SH3RF1: variants seen among roughly 807,000 people sequenced by gnomAD.
SH3RF1 encodes E3 ubiquitin-protein ligase SH3RF1.
Under a neutral mutation model 74.0 loss-of-function variants are expected in SH3RF1, and 32 were observed. The ratio of observed to expected loss-of-function variants is 0.43; its 90% CI spans 0.33 to 0.58. The LOEUF is 0.58. SH3RF1 is among the 20% of genes least tolerant of loss of function. The probability of loss-of-function intolerance (pLI) is 0.05; values close to 1 mark genes in which losing one functional copy is unlikely to be tolerated. For missense variants in SH3RF1, 954 were observed against 1,130.9 expected, an observed-to-expected ratio of 0.84 and a Z score of 2.24; for synonymous variants, 396 against 439.6, an observed-to-expected ratio of 0.90 and a Z score of 1.24.
chr4:169,224,594 A>G (rs182348064), intron 2 of SH3RF1, among the ~76,000 whole-genome samples: 2 of 152,346 alleles, frequency 1.3e-5, no homozygotes, highest in East Asian at 3.9e-4. Flanking sequence ...CTGGGATTAC[A>G]GGCGTGAACC....
chr4:169,113,926 G>C (rs1733286733), intron 10 of SH3RF1, among the ~76,000 whole-genome samples: 1 of 152,166 alleles, frequency 6.6e-6, no homozygotes, highest in Admixed American at 6.5e-5. Context: ...AAGGAGATCT[G>C]CATTTTCTAT....
intron 2 of SH3RF1, among the ~76,000 whole-genome samples, chr4:169,204,644 G>A (rs1730211072): frequency 6.7e-6 from 1 of 148,938 alleles, no homozygotes; most frequent in African/African-American, 2.5e-5. Flanking sequence ...TCTGCCTCCT[G>A]GGTTTGAGTG....
chr4:169,230,385 T>C (rs1336604076), intron 2 of SH3RF1, among the ~76,000 whole-genome samples: 1 of 152,152 alleles, frequency 6.6e-6, no homozygotes, highest in East Asian at 1.9e-4. Flanking sequence ...GAAAAGCATT[T>C]CAAAATGTTT....
At chr4:169,166,983 A>T (rs1734256005) in intron 2 of SH3RF1, 1 of 224,144 alleles carries the variant, frequency 4.5e-6, no homozygotes, top group African/African-American at 2.3e-5. Flanking sequence ...AAGAGAAATG[A>T]CCAGTGCAAG....
chr4:169,262,944 G>C (rs1731302750), intron 2 of SH3RF1, among the ~76,000 whole-genome samples: 1 of 152,138 alleles, frequency 6.6e-6, no homozygotes, highest in African/African-American at 2.4e-5. Context: ...ATCAAGGATG[G>C]ATAAAATAAG....
chr4:169,172,706 G>A (rs906804909), intron 2 of SH3RF1, among the ~76,000 whole-genome samples: 3 of 152,158 alleles, frequency 2.0e-5, no homozygotes, highest in Admixed American at 2.0e-4. Flanking sequence ...GCTGGCAGGG[G>A]TGAGGGTGTT....
chr4:169,206,492 G>T (rs764222203), intron 2 of SH3RF1, among the ~76,000 whole-genome samples: 6 of 152,124 alleles, frequency 3.9e-5, no homozygotes, highest in African/African-American at 1.4e-4. Flanking sequence ...ATGCAACATG[G>T]TGAGACTCCG....
At chr4:169,166,343 G>A (rs1191580094) in intron 2 of SH3RF1, 3 of 156,202 alleles carry the variant, frequency 1.9e-5, no homozygotes, top group East Asian at 1.8e-4. Flanking sequence ...TGATGCTGGT[G>A]GTAAGGTGAA....
At chr4:169,224,381 G>C (rs541827737) in intron 2 of SH3RF1, among the ~76,000 whole-genome samples, 1 of 151,016 alleles carries the variant, frequency 6.6e-6, no homozygotes, top group African/African-American at 2.4e-5. Context: ...GCAATGGTGC[G>C]ATCTTGGCTC....
intron 11 of SH3RF1, among the ~76,000 whole-genome samples, chr4:169,102,713 T>C (rs1733060382): frequency 1.3e-5 from 2 of 152,136 alleles, no homozygotes; most frequent in Non-Finnish European, 2.9e-5. Flanking sequence ...CTCCAGGATA[T>C]AGCACTATTT....
At chr4:169,241,928 A>C (rs1253069899) in intron 2 of SH3RF1, among the ~76,000 whole-genome samples, 2 of 152,344 alleles carry the variant, frequency 1.3e-5, no homozygotes, top group Non-Finnish European at 2.9e-5. Flanking sequence ...AAAGCACAGC[A>C]TTAAACACTA....
rs998915354 is a variant in SH3RF1 at position 169,095,536 on chromosome 4, T to C, written c.*983A>G. ...CTTTTCACAGTGTTTCTTATAGCCTTTGACTTAACACGAGTGCATCACTTA... is the reference window on the plus strand; with the variant it reads ...CTTTTCACAGTGTTTCTTATAGCCTCTGACTTAACACGAGTGCATCACTTA... On this transcript the variant is annotated 3_prime_UTR_variant, in exon 12 of 12. Transcript: ENST00000284637. The C allele has an allele frequency of 6.6e-6, 1 of 152,646 alleles. No individual in the cohort carries two copies. Among genetic ancestry groups the C allele is most frequent in the African/African-American group, 2.4e-5 (1 of 41,454 alleles). 9.5% of individuals were successfully genotyped at this position (152,646 alleles called of 1,614,324 possible).
At chr4:169,140,533 G>A (rs985991554) in intron 4 of SH3RF1, among the ~76,000 whole-genome samples, 1 of 152,108 alleles carries the variant, frequency 6.6e-6, no homozygotes, top group Non-Finnish European at 1.5e-5. Context: ...TTGGAAAAAA[G>A]TCTAAAATGT....
Position 169,155,507 on chromosome 4 carries a change from T to C in SH3RF1, c.738A>G (p.Ile246Met). ...NWAEGMLADK[I>M]GIFPISYVEF... Reference sequence around the variant, plus strand: ...CAACATATGAAATTGGAAATATTCCTATTTTGTCTGCCAGCATTCCTTCAG... The same window carrying C: ...CAACATATGAAATTGGAAATATTCCCATTTTGTCTGCCAGCATTCCTTCAG... Residue 246 changes from isoleucine to methionine, a missense_variant, in exon 4 of 12, where the codon ATA becomes ATG. Around this residue, in one of 3 missense-constraint regions of SH3RF1, gnomAD observed 854 missense variants for 962.5 expected, o/e 0.89. Coordinates refer to ENST00000284637, the MANE Select transcript of SH3RF1 (RefSeq NM_020870.4). The C allele has an allele frequency of 1.2e-6, 2 of 1,613,080 alleles. No homozygotes were observed. The highest frequency in any genetic ancestry group is 1.7e-6 in the Non-Finnish European group (2 of 1,179,134).
Position 169,130,170 on chromosome 4 carries a change from A to T in SH3RF1, c.1069-14T>A, listed in dbSNP as rs1733590434. ...ACTTATATGAACCTGCCGAGAAAAG[A>T]AAAGTTATTAAAAAGAAGACTATGT... On this transcript the variant is annotated splice_polypyrimidine_tract_variant and intron_variant, in intron 5 of 11. Coordinates refer to ENST00000284637, the MANE Select transcript of SH3RF1 (RefSeq NM_020870.4). 2 of 1,518,396 alleles carry T rather than the reference A, an allele frequency of 1.3e-6. No individual in the cohort carries two copies. The highest frequency in any genetic ancestry group is 1.8e-6 in the Non-Finnish European group (2 of 1,135,540). The allele number at this position is 1,518,396 out of a possible 1,614,324, so 94.1% of individuals were successfully genotyped here.
intron 2 of SH3RF1, among the ~76,000 whole-genome samples, chr4:169,249,472 G>A (rs553829874): frequency 6.6e-6 from 1 of 152,290 alleles, no homozygotes; most frequent in Admixed American, 6.5e-5. Context: ...CTAGAACTGT[G>A]AGAAATAAAT....
chr4:169,261,054 G>C (rs1246556235), intron 2 of SH3RF1, among the ~76,000 whole-genome samples: 1 of 152,174 alleles, frequency 6.6e-6, no homozygotes, highest in Non-Finnish European at 1.5e-5. Flanking sequence ...AAAGGGCTCT[G>C]AAAAGTCAAA....
chr4:169,173,999 T>TTATATATATA (rs35680762), intron 2 of SH3RF1, among the ~76,000 whole-genome samples: 21 of 149,180 alleles, frequency 1.4e-4, no homozygotes, highest in Non-Finnish European at 2.2e-4. Context: ...ATTTCCTGAG[T>TTATATATATA]TATATATATA....
chr4:169,137,204 G>GT (rs1434120916), intron 4 of SH3RF1, among the ~76,000 whole-genome samples: 13 of 152,160 alleles, frequency 8.5e-5, no homozygotes, highest in African/African-American at 3.1e-4. Context: ...CTCTTAATAT[G>GT]TTTTTTGTCA....
Sources: gnomAD v4.1 joint callset for allele counts (sites outside exome capture counted in the v4.1 genomes callset) on GRCh38, gnomAD v4.1.1 for gene constraint, gnomAD v4.1.1 regional missense constraint, MANE v1.5 for transcripts, NCBI Gene and HGNC (gene_info 2026-07-23, HGNC 2026-07-21) for gene names.